The following BTAF1 variants were observed in gnomAD, a reference collection of about 807,000 sequenced individuals.
BTAF1 encodes TATA-binding protein-associated factor 172.
BTAF1 carries 38 observed loss-of-function variants against 227.1 expected under a neutral mutation model. That is an observed-to-expected ratio of 0.17 (90% CI 0.13 to 0.22). The LOEUF (loss-of-function observed/expected upper bound fraction) is 0.22, where lower values mean the gene tolerates loss of function less well. Among genes scored for constraint, BTAF1 ranks in the 10% least tolerant of loss-of-function variants. The pLI is 1.00. For missense variants in BTAF1, 1,598 were observed against 2,204.0 expected, an observed-to-expected ratio of 0.73 and a Z score of 5.51; for synonymous variants, 742 against 751.9, an observed-to-expected ratio of 0.99 and a Z score of 0.21.
intron 34 of BTAF1, among the ~76,000 whole-genome samples, chr10:92,023,129 ATAT>A (rs1162625811): frequency 1.3e-5 from 2 of 152,288 alleles, no homozygotes; most frequent in East Asian, 3.9e-4. Context: ...AGCCTAAATC[ATAT>A]TATTTGCACA....
chr10:92,005,623 G>C (rs750434784), intron 25 of BTAF1, among the ~76,000 whole-genome samples: 3 of 151,746 alleles, frequency 2.0e-5, no homozygotes, highest in Non-Finnish European at 2.9e-5. Flanking sequence ...ATAGATTGTT[G>C]TGTCAGGACC....
chr10:91,997,216 A>G (rs1181507468), intron 24 of BTAF1: 2 of 1,151,954 alleles, frequency 1.7e-6, no homozygotes, highest in East Asian at 1.1e-4. Context: ...CCTGGTGGGA[A>G]ATTTGGAATT....
chr10:91,951,921 T>C (rs1845791321), intron 5 of BTAF1, among the ~76,000 whole-genome samples: 1 of 151,030 alleles, frequency 6.6e-6, no homozygotes, highest in Non-Finnish European at 1.5e-5. Context: ...TATAGTCAGA[T>C]ATGATAGTAG....
At chr10:92,027,594 CT>C (rs1356490073) in intron 37 of BTAF1, among the ~76,000 whole-genome samples, 5 of 151,990 alleles carry the variant, frequency 3.3e-5, no homozygotes, top group Non-Finnish European at 7.4e-5. Flanking sequence ...GGTGAGAGTT[CT>C]TGGCCCTGCC....
rs891117548 is a variant in BTAF1, at chr10:92,030,720, T to C, written c.*1787T>C. Among the ~76,000 whole-genome samples, 4 of 152,180 alleles carry C rather than the reference T, an allele frequency of 2.6e-5. No individual in the cohort carries two copies. Among genetic ancestry groups the C allele is most frequent in the African/African-American group, 9.6e-5 (4 of 41,458 alleles). On this transcript the variant is annotated 3_prime_UTR_variant, in exon 38 of 38. Coordinates refer to ENST00000265990, the MANE Select transcript of BTAF1 (RefSeq NM_003972.3). Reference sequence around the variant, plus strand: ...AGGTGTGTATTTCTAGAAGGATGACTAGAAAAATGATGTGTGGTTGCTTCT... The same window carrying C: ...AGGTGTGTATTTCTAGAAGGATGACCAGAAAAATGATGTGTGGTTGCTTCT...
intron 6 of BTAF1, among the ~76,000 whole-genome samples, chr10:91,956,308 T>C (rs1481755165): frequency 1.3e-5 from 2 of 152,112 alleles, no homozygotes; most frequent in African/African-American, 4.8e-5. Context: ...CAACCTATAG[T>C]GTAGTTAGAA....
intron 34 of BTAF1, among the ~76,000 whole-genome samples, chr10:92,020,195 T>G (rs551530765): frequency 1.3e-5 from 2 of 152,330 alleles, no homozygotes; most frequent in Admixed American, 1.3e-4. Flanking sequence ...CATTTGCTTT[T>G]TTCTTGCTGC....
At chr10:91,985,706 C>T (rs1848352953) in intron 19 of BTAF1, among the ~76,000 whole-genome samples, 1 of 152,030 alleles carries the variant, frequency 6.6e-6, no homozygotes, top group South Asian at 2.1e-4. Flanking sequence ...TTTCCATTTC[C>T]TTGATGACTA....
chr10:91,934,261 G>A (rs925984511), intron 1 of BTAF1, among the ~76,000 whole-genome samples: 5 of 151,474 alleles, frequency 3.3e-5, no homozygotes, highest in African/African-American at 1.2e-4. Flanking sequence ...TTAAGACACA[G>A]TCTCACTCTG....
intron 34 of BTAF1, 109 bp from the exon 35 acceptor site, chr10:92,024,647 A>T (rs1851360672): frequency 2.1e-6 from 2 of 935,822 alleles, no homozygotes; most frequent in Non-Finnish European, 3.1e-6. Context: ...TGCTTTCCAG[A>T]TTTCAGGTAC....
At chr10:91,941,091 A>G (rs762479928) in intron 3 of BTAF1, among the ~76,000 whole-genome samples, 2 of 152,088 alleles carry the variant, frequency 1.3e-5, no homozygotes, top group Non-Finnish European at 2.9e-5. Context: ...GATACCTGTT[A>G]TTTTGAGTTA....
chr10:91,993,734 T>G lies in BTAF1; in HGVS notation c.3086T>G (p.Phe1029Cys). 6.3e-7 allele frequency: 1 copy of G among 1,591,260 alleles called. No individual in the cohort carries two copies. The highest frequency in any genetic ancestry group is 8.6e-7 in the Non-Finnish European group (1 of 1,166,274). The change falls in exon 22 of 38, where the codon TTT becomes TGT. Residue 1029 changes from phenylalanine (F) to cysteine (C), a missense_variant. Physicochemically the swap from Phe to Cys is radical, Grantham distance 205 (BLOSUM62 -2). Transcript: ENST00000265990. ...PYLVQRRGAE[F>C]ALTTIVKHFG... ...CTGGTACAACGGAGAGGAGCTGAAT[T>G]TGCTTTGACAACTATAGTAAAGCAT...
rs1290427274 is a variant in BTAF1 at position 92,026,397 on chromosome 10, G to A, written c.5076-195G>A. 2.0e-5 allele frequency among the ~76,000 whole-genome samples: 3 copies of A among 152,258 alleles called. No individual in the cohort carries two copies. The South Asian group carries it at 6.2e-4, about 32-fold the overall frequency. On this transcript the variant is annotated intron_variant, in intron 35 of 37. Coordinates refer to ENST00000265990, the MANE Select transcript of BTAF1 (RefSeq NM_003972.3). Reference sequence around the variant, plus strand: ...CTTATTTTGTATTTATGAAATTCCTGAATAGCTTTGGAATGCCCTCTTTTA... The same window carrying A: ...CTTATTTTGTATTTATGAAATTCCTAAATAGCTTTGGAATGCCCTCTTTTA...
Position 92,024,869 on chromosome 10 carries a change from A to G in BTAF1, c.4977A>G (p.Ile1659Met), listed in dbSNP as rs373206713. 49 of 1,613,774 alleles carry G rather than the reference A, an allele frequency of 3.0e-5. No individual in the cohort carries two copies. Among genetic ancestry groups the G allele is most frequent in the Non-Finnish European group, 4.1e-5 (48 of 1,179,932 alleles). The change falls in exon 35 of 38, where the codon ATA becomes ATG. Residue 1659 changes from isoleucine to methionine, a missense_variant. This residue lies in a region of BTAF1 where 205 missense variants were observed against 244.5 expected (regional missense o/e 0.84). Coordinates refer to ENST00000265990, the MANE Select transcript of BTAF1 (RefSeq NM_003972.3). ...GTCAGCTGAAAAGCATGCTTGATATAGTAGAGCATGATCTCCTCAAACCTC... is the reference window on the plus strand; with the variant it reads ...GTCAGCTGAAAAGCATGCTTGATATGGTAGAGCATGATCTCCTCAAACCTC... ...IFCQLKSMLD[I>M]VEHDLLKPHL... is the part of the protein sequence containing the mutation.
chr10:91,926,526 T>C (rs1008222189), intron 1 of BTAF1, among the ~76,000 whole-genome samples: 5 of 152,206 alleles, frequency 3.3e-5, no homozygotes, highest in Non-Finnish European at 4.4e-5. Flanking sequence ...TTTTTCTTTC[T>C]ATACCAGTTA....
intron 13 of BTAF1, among the ~76,000 whole-genome samples, chr10:91,965,518 A>T (rs2133917767): frequency 6.6e-6 from 1 of 152,344 alleles, no homozygotes; most frequent in South Asian, 2.1e-4. Flanking sequence ...GGATGGTGTC[A>T]GAAAAACTGG....
intron 35 of BTAF1, among the ~76,000 whole-genome samples, chr10:92,025,997 T>G (rs560524774): frequency 1.3e-5 from 2 of 152,322 alleles, no homozygotes; most frequent in East Asian, 3.9e-4. Flanking sequence ...ATAGGGATAT[T>G]GGTAATAATA....
chr10:91,931,845 G>A (rs567595030), intron 1 of BTAF1, among the ~76,000 whole-genome samples: 178 of 152,292 alleles, frequency 1.2e-3, no homozygotes, highest in African/African-American at 4.0e-3. Flanking sequence ...CTGAAGAGAG[G>A]AATGGAGAAC....
rs764487846 is a variant in BTAF1 at position 91,962,573 on chromosome 10, T to A, written c.1299T>A (p.Thr433=). The A allele has an allele frequency of 6.3e-7, 1 of 1,590,580 alleles. No individual in the cohort carries two copies. The highest frequency in any genetic ancestry group is 8.6e-7 in the Non-Finnish European group (1 of 1,161,448). ...ATACTTTATTGCCTAAAGTTTTAAC[T>A]AGAATAATTGAAGGACTCCAGGATC... The part of the protein sequence containing the change: ...VINTLLPKVL[T]RIIEGLQDLD... Residue 433 remains threonine (T), a synonymous_variant, in exon 12 of 38, where the codon ACT becomes ACA. Transcript: ENST00000265990.
Sources: gnomAD v4.1 joint callset for allele counts (sites outside exome capture counted in the v4.1 genomes callset) on GRCh38, gnomAD v4.1.1 for gene constraint, gnomAD v4.1.1 regional missense constraint, MANE v1.5 for transcripts, NCBI Gene and HGNC (gene_info 2026-07-23, HGNC 2026-07-21) for gene names.